The following CFAP221 variants were observed in gnomAD, a reference collection of about 807,000 sequenced individuals.
CFAP221 encodes cilia- and flagella-associated protein 221.
CFAP221 carries 97 observed loss-of-function variants against 113.1 expected under a neutral mutation model. The observed-to-expected ratio is 0.86, with a 90% CI of 0.73 to 1.02. The LOEUF is 1.02. CFAP221 is among the 50% of genes least tolerant of loss of function. The probability of loss-of-function intolerance (pLI) is 0.00; values close to 1 mark genes in which losing one functional copy is unlikely to be tolerated. For synonymous variants in CFAP221, 331 were observed against 354.4 expected, an observed-to-expected ratio of 0.93 and a Z score of 0.74; for missense variants, 1,025 against 1,013.4, an observed-to-expected ratio of 1.01 and a Z score of -0.16.
chr2:119,574,298 A>G (rs2104578406), intron 6 of CFAP221, among the ~76,000 whole-genome samples: 1 of 152,290 alleles, frequency 6.6e-6, no homozygotes, highest in South Asian at 2.1e-4. Context: ...TTTTCTGTCT[A>G]GTCTGTATAA....
chr2:119,589,341 G>A (rs1683431657), intron 7 of CFAP221, among the ~76,000 whole-genome samples: 1 of 152,216 alleles, frequency 6.6e-6, no homozygotes. Context: ...GGCAATCTTT[G>A]TGCTTACTGG....
intron 7 of CFAP221, among the ~76,000 whole-genome samples, chr2:119,590,501 G>A (rs886448034): frequency 1.3e-5 from 2 of 152,170 alleles, no homozygotes; most frequent in South Asian, 4.2e-4. Context: ...CTTTCATGCA[G>A]CACCTGCTCT....
chr2:119,638,150 A>G (rs1325965274), intron 19 of CFAP221, 109 bp from the exon 20 acceptor site: 1 of 1,144,042 alleles, frequency 8.7e-7, no homozygotes, highest in South Asian at 1.5e-5. Context: ...ATGGAGTCAC[A>G]GAGTGTTAGT....
chr2:119,629,850 C>A, intron 16 of CFAP221, 25 bp from the exon 17 acceptor site: 2 of 1,571,508 alleles, frequency 1.3e-6, no homozygotes, highest in South Asian at 1.1e-5. Flanking sequence ...TGATTGTTCT[C>A]TTTTTTTCTC....
chr2:119,559,154 T>C (rs1478458973), intron 3 of CFAP221, among the ~76,000 whole-genome samples: 2 of 152,240 alleles, frequency 1.3e-5, no homozygotes, highest in East Asian at 3.8e-4. Flanking sequence ...AGGGATGGCC[T>C]TCTCCTGTCA....
At chr2:119,607,181 C>T (rs1326562796) in intron 11 of CFAP221, among the ~76,000 whole-genome samples, 1 of 152,102 alleles carries the variant, frequency 6.6e-6, no homozygotes, top group African/African-American at 2.4e-5. Flanking sequence ...GAAATAGAGA[C>T]AGGGTTTTGC....
intron 11 of CFAP221, among the ~76,000 whole-genome samples, chr2:119,607,673 C>T (rs1039054303): frequency 2.0e-5 from 3 of 152,158 alleles, no homozygotes; most frequent in Non-Finnish European, 4.4e-5. Flanking sequence ...CCCCACTCCC[C>T]ACCCCCTGGA....
At chr2:119,592,244 G>A (rs995058364) in intron 7 of CFAP221, among the ~76,000 whole-genome samples, 3 of 152,180 alleles carry the variant, frequency 2.0e-5, no homozygotes, top group Admixed American at 6.5e-5. Flanking sequence ...ATTGACTGAA[G>A]AAAAACAAGT....
chr2:119,596,086 G>C (rs1218762385), intron 7 of CFAP221, among the ~76,000 whole-genome samples: 6 of 152,104 alleles, frequency 3.9e-5, no homozygotes, highest in Non-Finnish European at 8.8e-5. Flanking sequence ...GGAGTCTACT[G>C]GAGAGTTTGA....
At chr2:119,658,388 C>T (rs1688520079), downstream of CFAP221, among the ~76,000 whole-genome samples, 1 of 152,196 alleles carries the variant, frequency 6.6e-6, no homozygotes, top group Non-Finnish European at 1.5e-5. Flanking sequence ...CACATCTTTA[C>T]CTTCCAGCAT....
At chr2:119,645,002 C>CCT (rs1558992227) in intron 21 of CFAP221, among the ~76,000 whole-genome samples, 1 of 136,080 alleles carries the variant, frequency 7.3e-6, no homozygotes, top group Non-Finnish European at 1.6e-5. Flanking sequence ...TCCCCCCCCC[C>CCT]ACCCCCTCCC....
At chr2:119,615,153 A>G (rs1314456506) in intron 13 of CFAP221, among the ~76,000 whole-genome samples, 1 of 152,116 alleles carries the variant, frequency 6.6e-6, no homozygotes, top group Non-Finnish European at 1.5e-5. Context: ...CTCCTTATTC[A>G]TTTACTAACT....
chr2:119,547,461 A>T (rs961640891), intron 2 of CFAP221, among the ~76,000 whole-genome samples: 1 of 152,172 alleles, frequency 6.6e-6, no homozygotes, highest in African/African-American at 2.4e-5. Flanking sequence ...TGGGAGGCTG[A>T]GGCAGGACAA....
intron 8 of CFAP221, chr2:119,602,824 A>G: frequency 1.0e-6 from 1 of 968,052 alleles, no homozygotes; most frequent in South Asian, 4.8e-5. Flanking sequence ...GACTTTCTTA[A>G]AGACATAACA....
chr2:119,627,550 C>T, intron 15 of CFAP221, 103 bp from the exon 16 acceptor site: 1 of 1,010,546 alleles, frequency 9.9e-7, no homozygotes, highest in Non-Finnish European at 1.5e-6. Flanking sequence ...TATATACACA[C>T]CCACCCACTA....
In CFAP221 at chr2:119,583,681, C is replaced by T. The variant is rs180937726; in HGVS notation, c.528-3438C>T. On this transcript the variant is annotated intron_variant, in intron 6 of 23. Transcript: ENST00000413369. Reference sequence around the variant, plus strand: ...ATGGTCTGAATGTTTGTTTCCCCCTCAAAATGTATGTGTTTAAATCTAACC... The same window carrying T: ...ATGGTCTGAATGTTTGTTTCCCCCTTAAAATGTATGTGTTTAAATCTAACC... 1.1e-3 allele frequency among the ~76,000 whole-genome samples: 170 copies of T among 152,312 alleles called. 1 individual carries two copies. The highest frequency in any genetic ancestry group is 0.01 in the East Asian group (52 of 5,190).
intron 16 of CFAP221, among the ~76,000 whole-genome samples, chr2:119,628,430 A>G (rs1369695780): frequency 6.6e-6 from 1 of 152,028 alleles, no homozygotes; most frequent in Non-Finnish European, 1.5e-5. Context: ...GTTAACCCTT[A>G]GGTTGTATTT....
rs1353253365 is a variant in CFAP221 at position 119,630,870 on chromosome 2, T to C, written c.1943T>C (p.Met648Thr). ...ATGAAACCACCTGAGGCCTTAGCCA[T>C]GTCTCTAGATTATGATCCTCTGTAT... is the stretch of plus-strand genomic sequence containing the variant. ...LSMKPPEALA[M>T]SLDYDPLYVF... The change falls in exon 19 of 24, where the codon ATG (methionine) becomes ACG (threonine). Residue 648 changes from methionine to threonine, a missense_variant. Met to Thr is a moderately conservative substitution (Grantham distance 81). Transcript: ENST00000413369. The C allele has an allele frequency of 6.2e-7, 1 of 1,613,738 alleles. No homozygotes were observed. The highest frequency in any genetic ancestry group is 8.5e-7 in the Non-Finnish European group (1 of 1,179,584).
At chr2:119,609,590 T>C (rs983146857) in intron 12 of CFAP221, among the ~76,000 whole-genome samples, 9 of 152,176 alleles carry the variant, frequency 5.9e-5, no homozygotes, top group South Asian at 2.1e-4. Flanking sequence ...ACCAGTCATA[T>C]TGGATTAAGA....
Sources: allele counts gnomAD v4.1 joint callset (sites outside exome capture counted in the v4.1 genomes callset), GRCh38; gene constraint gnomAD v4.1.1; transcripts MANE v1.5; gene names NCBI Gene and HGNC (gene_info 2026-07-23, HGNC 2026-07-21).